ELOVL6: variants seen among roughly 807,000 people sequenced by gnomAD.
ELOVL6 encodes ELOVL fatty acid elongase 6, also known as very long chain fatty acid elongase 6.
A neutral mutation model predicts 31.7 loss-of-function variants in ELOVL6; 8 were observed. The ratio of observed to expected loss-of-function variants is 0.25; its 90% CI spans 0.15 to 0.45. The LOEUF (loss-of-function observed/expected upper bound fraction) is 0.45. Ranked by LOEUF, ELOVL6 falls within the 20% of genes least tolerant of loss-of-function variation. The pLI is 1.00. For synonymous variants in ELOVL6, 101 were observed against 117.7 expected (o/e 0.86, Z 0.92); for missense variants, 126 against 326.4 (o/e 0.39, Z 4.73).
intron 2 of ELOVL6, among the ~76,000 whole-genome samples, chr4:110,079,500 T>C (rs1755764578): frequency 6.6e-6 from 1 of 151,840 alleles, no homozygotes; most frequent in Admixed American, 6.6e-5. Flanking sequence ...ACTGGGTACA[T>C]AACGAAATGA....
At chr4:110,123,041 G>A (rs1757397202) in intron 1 of ELOVL6, among the ~76,000 whole-genome samples, 1 of 152,152 alleles carries the variant, frequency 6.6e-6, no homozygotes, top group South Asian at 2.1e-4. Flanking sequence ...TTGAAATCCT[G>A]AAGGGTACAG....
chr4:110,064,410 G>A (rs1330895678), intron 2 of ELOVL6, among the ~76,000 whole-genome samples: 1 of 151,960 alleles, frequency 6.6e-6, no homozygotes, highest in Admixed American at 6.6e-5. Context: ...TACTTTGTGG[G>A]TGGGGGAGGG....
chr4:110,199,173 G>A (rs1446270473), upstream of ELOVL6: 1 of 152,196 alleles, frequency 6.6e-6, no homozygotes, highest in Non-Finnish European at 1.5e-5. Flanking sequence ...TAGTGGATAG[G>A]CGAGAGAGGC....
chr4:110,103,606 A>G (rs1001769387), intron 2 of ELOVL6, among the ~76,000 whole-genome samples: 1 of 152,218 alleles, frequency 6.6e-6, no homozygotes, highest in African/African-American at 2.4e-5. Context: ...TTACACCTGA[A>G]TGTAATAAAC....
chr4:110,104,519 C>G (rs1329658560), intron 2 of ELOVL6, among the ~76,000 whole-genome samples: 1 of 152,076 alleles, frequency 6.6e-6, no homozygotes, highest in Non-Finnish European at 1.5e-5. Flanking sequence ...TTTTAATAAG[C>G]TTTAAGTAAC....
At chr4:110,120,700 C>T (rs201988890) in intron 1 of ELOVL6, among the ~76,000 whole-genome samples, 7 of 152,056 alleles carry the variant, frequency 4.6e-5, no homozygotes, top group South Asian at 2.1e-4. Flanking sequence ...GAGATTCCAC[C>T]GCTACATTGT....
chr4:110,082,636 C>G (rs1160890627), intron 2 of ELOVL6, among the ~76,000 whole-genome samples: 1 of 152,120 alleles, frequency 6.6e-6, no homozygotes, highest in African/African-American at 2.4e-5. Flanking sequence ...GGAGATATAC[C>G]TAATGTTAAA....
intron 1 of ELOVL6, among the ~76,000 whole-genome samples, chr4:110,135,795 G>A (rs1757793729): frequency 6.6e-6 from 1 of 152,172 alleles, no homozygotes; most frequent in Non-Finnish European, 1.5e-5. Flanking sequence ...TTGGTGTTCA[G>A]AGAAGATCCT....
chr4:110,122,986 T>TA (rs1231417882), intron 1 of ELOVL6, among the ~76,000 whole-genome samples: 2 of 152,230 alleles, frequency 1.3e-5, no homozygotes, highest in Admixed American at 6.5e-5. Flanking sequence ...CTGTAGCACT[T>TA]GTCTGTTTGT....
intron 1 of ELOVL6, among the ~76,000 whole-genome samples, chr4:110,171,076 GAACA>G (rs922126514): frequency 3.9e-5 from 6 of 152,300 alleles, no homozygotes; most frequent in East Asian, 1.9e-4. Flanking sequence ...AGAAGAATCT[GAACA>G]GACAGGCCTT....
chr4:110,084,531 TACACACACACACACACACAC>T (rs67665852), intron 2 of ELOVL6, among the ~76,000 whole-genome samples: 1 of 70,374 alleles, frequency 1.4e-5, no homozygotes, highest in East Asian at 5.2e-4. Flanking sequence ...TATATACACT[TACACACACACACACACACAC>T]ACACACACAC....
intron 1 of ELOVL6, among the ~76,000 whole-genome samples, chr4:110,120,048 T>C (rs1371432205): frequency 6.6e-6 from 1 of 152,202 alleles, no homozygotes; most frequent in East Asian, 1.9e-4. Flanking sequence ...GAAGAGTGTG[T>C]ATGTGACTCA....
rs116021313 is a variant in ELOVL6, at chr4:110,098,270, A to T, written c.221+7227T>A. Among the ~76,000 whole-genome samples, 1,430 of 150,426 alleles carry T rather than the reference A, an allele frequency of 9.5e-3. 20 individuals carry two copies. Among genetic ancestry groups the T allele is most frequent in the Non-Finnish European group, 0.017 (1,173 of 67,486 alleles). ...GATCATTATTGGGTGGGATAGGTAGAGAATGAGGACCAATAAAGTACAACA... is the reference window on the plus strand; with the variant it reads ...GATCATTATTGGGTGGGATAGGTAGTGAATGAGGACCAATAAAGTACAACA... On this transcript the variant is annotated intron_variant, in intron 2 of 3. Coordinates refer to ENST00000302274, the MANE Select transcript of ELOVL6 (RefSeq NM_024090.3).
chr4:110,084,014 A>G (rs1419245260), intron 2 of ELOVL6, among the ~76,000 whole-genome samples: 1 of 82,976 alleles, frequency 1.2e-5, no homozygotes, highest in Non-Finnish European at 2.6e-5. Context: ...CATATATGGT[A>G]TATAACATAT....
At chr4:110,065,854 C>T (rs1034598709) in intron 2 of ELOVL6, among the ~76,000 whole-genome samples, 2 of 152,060 alleles carry the variant, frequency 1.3e-5, no homozygotes, top group Non-Finnish European at 2.9e-5. Flanking sequence ...TTCACATGAA[C>T]ATCAATAGTT....
chr4:110,101,400 C>CAA (rs34486723), intron 2 of ELOVL6, among the ~76,000 whole-genome samples: 63 of 136,834 alleles, frequency 4.6e-4, no homozygotes, highest in African/African-American at 1.3e-3. Context: ...ATTTGGATTT[C>CAA]AAAAAAAAAA....
chr4:110,143,820 C>G (rs1469024860), intron 1 of ELOVL6, among the ~76,000 whole-genome samples: 3 of 152,134 alleles, frequency 2.0e-5, no homozygotes, highest in Non-Finnish European at 4.4e-5. Flanking sequence ...CTTTGGGAGG[C>G]TGAGGCGGGT....
At chr4:110,141,358 C>T (rs557323918) in intron 1 of ELOVL6, among the ~76,000 whole-genome samples, 2 of 152,200 alleles carry the variant, frequency 1.3e-5, no homozygotes, top group African/African-American at 2.4e-5. Context: ...CCACCGTGCC[C>T]GGCTGGAGCA....
intron 1 of ELOVL6, among the ~76,000 whole-genome samples, chr4:110,139,848 T>C (rs1757905813): frequency 6.6e-6 from 1 of 152,190 alleles, no homozygotes; most frequent in Non-Finnish European, 1.5e-5. Flanking sequence ...GGTTGTAAAT[T>C]ATTTTGTAAT....
Sources: gnomAD v4.1 joint callset for allele counts (sites outside exome capture counted in the v4.1 genomes callset) on GRCh38, gnomAD v4.1.1 for gene constraint, MANE v1.5 for transcripts, NCBI Gene and HGNC (gene_info 2026-07-23, HGNC 2026-07-21) for gene names.